Variants in SH2B1 observed in about 807,000 individuals in gnomAD.
SH2B1 encodes the protein SH2B adapter protein 1.
SH2B1 carries 15 observed loss-of-function variants against 62.6 expected under a neutral mutation model. The observed-to-expected ratio is 0.24, with a 90% CI of 0.16 to 0.37. The LOEUF is 0.37. SH2B1 is among the 10% of genes least tolerant of loss of function. SH2B1 has a pLI of 1.00. For missense variants in SH2B1, 925 were observed against 1,015.6 expected, an observed-to-expected ratio of 0.91 and a Z score of 1.21; for synonymous variants, 443 against 438.0, an observed-to-expected ratio of 1.01 and a Z score of -0.14.
rs756011360 is a variant in SH2B1 at position 28,873,480 on chromosome 16, CT to C, written c.1932del (p.Glu645AsnfsTer64). 1.3e-6 allele frequency: 2 copies of C among 1,573,428 alleles called. No homozygotes were observed. The highest frequency in any genetic ancestry group is 1.7e-6 in the Non-Finnish European group (2 of 1,163,144). On this transcript the variant is annotated frameshift_variant, in exon 8 of 8. Transcript: ENST00000684370. LOFTEE classifies it high-confidence loss of function. The surrounding 1 kb of genome is among the most constrained non-coding windows in gnomAD (Gnocchi z 4.2). Reference protein sequence around the residue: ...PTTSHDPPQPPEPPSWTDPPQ... With the variant: ...PTTSHDPPQPXEPPSWTDPPQ... ...ACCTCCCATGACCCACCCCAGCCCC[CT>C]GAACCCCCTTCATGGACAGATCCCC... is the stretch of plus-strand genomic sequence containing the variant.
chr16:28,858,429 C>T (rs891292235), intron 1 of SH2B1, among the ~76,000 whole-genome samples: 4 of 152,184 alleles, frequency 2.6e-5, no homozygotes, highest in Middle Eastern at 3.4e-3. Context: ...GGGAGAATGG[C>T]GTGAACCCGG....
chr16:28,847,190 C>G lies in SH2B1; in HGVS notation c.-301+363C>G, dbSNP rs7193993. On this transcript the variant is annotated intron_variant, in intron 1 of 10. Transcript: ENST00000322610. ...AAGGATGAGGAGCCAGCTAGGGGAG[C>G]CTTTAAGGGGAGCCTGAGTCTCCTT... 0.01 allele frequency among the ~76,000 whole-genome samples: 1,585 copies of G among 152,268 alleles called. 60 individuals carry two copies. The East Asian group carries it at 0.16, about 15-fold the overall frequency.
rs1567458259 is a variant in SH2B1, at chr16:28,852,331, C to CATATATATTTACAT, written c.-301+5511_-301+5524dup. ...ATATATATTTACATATATATATTTACATATATATTTACATATATATTTATA... is the reference window on the plus strand; with the variant it reads ...ATATATATTTACATATATATATTTACATATATATTTACATATATATATTTACATATATATTTATA... On this transcript the variant is annotated intron_variant, in intron 1 of 10. Coordinates refer to the SH2B1 transcript ENST00000322610. Among the ~76,000 whole-genome samples the CATATATATTTACAT allele has an allele frequency of 6.5e-5, 3 of 46,248 alleles. 1 individual carries two copies. Among genetic ancestry groups the CATATATATTTACAT allele is most frequent in the East Asian group, 5.4e-4 (1 of 1,852 alleles). The allele number at this position is 46,248 out of a possible 152,430, so 30.3% of individuals were successfully genotyped here.
At position 28,873,478 on chromosome 16, in the gene SH2B1, C is replaced by T. The variant is rs202066262; in HGVS notation, c.1929C>T (p.Pro643=). The T allele has an allele frequency of 6.4e-7, 1 of 1,572,690 alleles. No homozygotes were observed. Among genetic ancestry groups the T allele is most frequent in the East Asian group, 2.3e-5 (1 of 44,386 alleles). The change falls in exon 8 of 8, where the codon CCC becomes CCT. Residue 643 remains proline (P), a synonymous_variant. Coordinates refer to ENST00000684370, the MANE Select transcript of SH2B1 (RefSeq NM_001387430.1). The surrounding 1 kb of genome is among the most constrained non-coding windows in gnomAD (Gnocchi z 4.2). Reference sequence around the variant, plus strand: ...CCACCTCCCATGACCCACCCCAGCCCCCTGAACCCCCTTCATGGACAGATC... The same window carrying T: ...CCACCTCCCATGACCCACCCCAGCCTCCTGAACCCCCTTCATGGACAGATC... ...EPTTSHDPPQ[P]PEPPSWTDPP... is the part of the protein sequence containing the mutation.
chr16:28,868,985 G>C, intron 2 of SH2B1, 21 bp from the exon 3 acceptor site: 1 of 1,598,078 alleles, frequency 6.3e-7, no homozygotes, highest in Non-Finnish European at 8.6e-7. Context: ...CCCCAGCTGA[G>C]GCGTCGTCTC....
chr16:28,851,216 C>T (rs1300421577), intron 1 of SH2B1, among the ~76,000 whole-genome samples: 10 of 151,118 alleles, frequency 6.6e-5, no homozygotes, highest in Non-Finnish European at 1.5e-4. Context: ...ACAGGACTCT[C>T]CACTTCCTCT....
chr16:28,848,012 G>T (rs1402518455), intron 1 of SH2B1, among the ~76,000 whole-genome samples: 2 of 151,808 alleles, frequency 1.3e-5, no homozygotes, highest in Admixed American at 1.3e-4. Flanking sequence ...TTTTAGTACA[G>T]ATGGGGTTTC....
chr16:28,860,561 T>C (rs1405129427), upstream of SH2B1, among the ~76,000 whole-genome samples: 1 of 152,050 alleles, frequency 6.6e-6, no homozygotes, highest in East Asian at 1.9e-4. Context: ...CTTCTTTACC[T>C]TCCACTCATT....
At chr16:28,869,537 C>G (rs1419535615) in intron 4 of SH2B1, among the ~76,000 whole-genome samples, 154 bp downstream of exon 4, 1 of 152,154 alleles carries the variant, frequency 6.6e-6, no homozygotes, top group East Asian at 1.9e-4. Flanking sequence ...TCTTTGATCC[C>G]TGAACACAGC....
chr16:28,869,316 C>G lies in SH2B1; in HGVS notation c.1242C>G (p.His414Gln), dbSNP rs1962903641. ...TDSLELSCLN[H>Q]SESLPSQDLL... ...GCCTGGAGCTGTCCTGCCTGAATCA[C>G]TCGGAGAGTCTACCCAGCCAGGACC... The change falls in exon 4 of 8, where the codon CAC becomes CAG. Residue 414 changes from histidine to glutamine, a missense_variant. His to Gln is a conservative substitution (Grantham distance 24, BLOSUM62 0). Transcript: ENST00000684370. 6.2e-7 allele frequency: 1 copy of G among 1,614,048 alleles called. No homozygotes were observed. The highest frequency in any genetic ancestry group is 1.3e-5 in the African/African-American group (1 of 74,936).
intron 1 of SH2B1, among the ~76,000 whole-genome samples, chr16:28,855,432 G>C (rs1962297869): frequency 6.6e-6 from 1 of 152,054 alleles, no homozygotes; most frequent in Non-Finnish European, 1.5e-5. Context: ...TGTTGGCCAG[G>C]CTGGCCTCAA....
intron 1 of SH2B1, 63 bp downstream of exon 1, chr16:28,867,096 C>A: frequency 6.3e-7 from 1 of 1,590,746 alleles, no homozygotes; most frequent in Non-Finnish European, 8.5e-7. Flanking sequence ...GTGGTCACAG[C>A]CCTGCAGATA....
chr16:28,870,983 A>C (rs576255348), intron 4 of SH2B1, among the ~76,000 whole-genome samples: 4 of 148,738 alleles, frequency 2.7e-5, no homozygotes, highest in Non-Finnish European at 5.9e-5. Context: ...CACTGTGTGC[A>C]GCCAGAATTC....
chr16:28,867,003 AAGT>A lies in SH2B1; in HGVS notation c.910_912del (p.Ser304del), dbSNP rs749098352. The A allele has an allele frequency of 2.8e-5, 45 of 1,601,324 alleles. No homozygotes were observed. Among genetic ancestry groups the A allele is most frequent in the Non-Finnish European group, 3.7e-5 (44 of 1,179,946 alleles). On this transcript the variant is annotated inframe_deletion, in exon 1 of 8. Coordinates refer to ENST00000684370, the MANE Select transcript of SH2B1 (RefSeq NM_001387430.1). ...GAAGTGAAGGAGAAGGAGGAGGAGG[AAGT>A]CGCCTGGAGTTCTTTGTACCACCCA...
upstream of SH2B1, chr16:28,862,782 A>C (rs1962491596): frequency 7.9e-6 from 1 of 126,404 alleles, no homozygotes; most frequent in African/African-American, 3.0e-5. Flanking sequence ...CGCCCGGCTA[A>C]ATTTTTTGTA....
intron 1 of SH2B1, 35 bp from the exon 2 acceptor site, chr16:28,867,296 C>G (rs763243760): frequency 3.9e-6 from 6 of 1,539,948 alleles, no homozygotes; most frequent in Non-Finnish European, 4.5e-6. Context: ...CTTTGGAAAC[C>G]AAACACCCAG....
chr16:28,851,115 A>G (rs1235839481), intron 1 of SH2B1, among the ~76,000 whole-genome samples: 1 of 145,218 alleles, frequency 6.9e-6, no homozygotes, highest in Non-Finnish European at 1.5e-5. Flanking sequence ...TGGAGGTTGC[A>G]GTGTGCCGAG....
Position 28,867,314 on chromosome 16 carries a change from T to A in SH2B1, c.940-17T>A, listed in dbSNP as rs759576352. On this transcript the variant is annotated splice_polypyrimidine_tract_variant and intron_variant, in intron 1 of 7. Coordinates refer to ENST00000684370, the MANE Select transcript of SH2B1 (RefSeq NM_001387430.1). ...TGGAAACCAAACACCCAGATCTGTTTCTTTCTCCTGACTTAGGCCTCTCGG... is the reference window on the plus strand; with the variant it reads ...TGGAAACCAAACACCCAGATCTGTTACTTTCTCCTGACTTAGGCCTCTCGG... 1 of 1,595,696 alleles carries A rather than the reference T, an allele frequency of 6.3e-7. No homozygotes were observed. Among genetic ancestry groups the A allele is most frequent in the Non-Finnish European group, 8.6e-7 (1 of 1,163,660 alleles).
At chr16:28,849,834 A>T (rs1962057769) in intron 1 of SH2B1, among the ~76,000 whole-genome samples, 1 of 152,146 alleles carries the variant, frequency 6.6e-6, no homozygotes, top group African/African-American at 2.4e-5. Context: ...GAAGCAGGAG[A>T]ATCGCTTGAA....
Sources: allele counts gnomAD v4.1 joint callset (sites outside exome capture counted in the v4.1 genomes callset), GRCh38; gene constraint gnomAD v4.1.1; non-coding constraint Gnocchi (gnomAD v3.1); transcripts MANE v1.5; gene names NCBI Gene and HGNC (gene_info 2026-07-23, HGNC 2026-07-21).